TIAM2: variants seen among roughly 807,000 people sequenced by gnomAD.
TIAM2 encodes rho guanine nucleotide exchange factor TIAM2.
Under a neutral mutation model 152.9 loss-of-function variants are expected in TIAM2, and 80 were observed. That is an observed-to-expected ratio of 0.52 (90% CI 0.44 to 0.63). The LOEUF (loss-of-function observed/expected upper bound fraction) is 0.63. Among genes scored for constraint, TIAM2 ranks in the 30% least tolerant of loss-of-function variants. TIAM2 has a pLI of 0.00. For missense variants in TIAM2, 1,965 were observed against 2,120.1 expected, an observed-to-expected ratio of 0.93 and a Z score of 1.44; for synonymous variants, 804 against 838.0, an observed-to-expected ratio of 0.96 and a Z score of 0.70.
At chr6:155,076,265 A>T (rs1358915271) in intron 1 of TIAM2, among the ~76,000 whole-genome samples, 1 of 152,096 alleles carries the variant, frequency 6.6e-6, no homozygotes, top group East Asian at 1.9e-4. Flanking sequence ...CTCGGCTCAA[A>T]TTATATTACT....
intron 1 of TIAM2, among the ~76,000 whole-genome samples, chr6:155,010,916 C>T (rs983994788): frequency 3.9e-5 from 6 of 151,962 alleles, no homozygotes; most frequent in Admixed American, 1.3e-4. Context: ...TGGTGTCATG[C>T]GCCTGTAATC....
At chr6:155,059,335 T>C (rs544241201) in intron 1 of TIAM2, among the ~76,000 whole-genome samples, 7 of 137,250 alleles carry the variant, frequency 5.1e-5, no homozygotes, top group African/African-American at 1.9e-4. Flanking sequence ...TGCGCGTGTA[T>C]GTTTTTGAGA....
chr6:155,029,639 T>A (rs1229932430), intron 1 of TIAM2, among the ~76,000 whole-genome samples: 1 of 95,064 alleles, frequency 1.1e-5, no homozygotes, highest in Non-Finnish European at 2.2e-5. Context: ...CTATATATAG[T>A]TATATAACTA....
intron 9 of TIAM2, chr6:155,168,855 C>G (rs767408534): frequency 5.9e-6 from 9 of 1,535,440 alleles, no homozygotes; most frequent in Non-Finnish European, 7.0e-6. Flanking sequence ...ATATTTGATT[C>G]AAGTGGCAGC....
chr6:155,150,723 G>A lies in TIAM2; in HGVS notation c.2028+2389G>A, dbSNP rs150499220. 3.0e-3 allele frequency among the ~76,000 whole-genome samples: 453 copies of A among 151,912 alleles called. 2 individuals are homozygous for A. The highest frequency in any genetic ancestry group is 0.01 in the African/African-American group (431 of 41,408). On this transcript the variant is annotated intron_variant, in intron 7 of 26. Coordinates refer to ENST00000682666, the MANE Select transcript of TIAM2 (RefSeq NM_012454.4). ...AGATCAAGATGCCGGCAGATTCAGT[G>A]TCTGGTGAGGCCCTGCTTTCTGGTT...
chr6:155,031,899 A>G (rs1027215574), intron 1 of TIAM2, among the ~76,000 whole-genome samples: 3 of 152,202 alleles, frequency 2.0e-5, no homozygotes, highest in Non-Finnish European at 4.4e-5. Flanking sequence ...CTTGGGAACA[A>G]AAAGCACATT....
chr6:155,116,577 G>A (rs1169143532), intron 2 of TIAM2, among the ~76,000 whole-genome samples: 1 of 152,204 alleles, frequency 6.6e-6, no homozygotes, highest in African/African-American at 2.4e-5. Flanking sequence ...TACAATGACC[G>A]TGGTAGATTT....
At chr6:155,016,087 A>G (rs924472591) in intron 1 of TIAM2, among the ~76,000 whole-genome samples, 1 of 152,068 alleles carries the variant, frequency 6.6e-6, no homozygotes, top group African/African-American at 2.4e-5. Flanking sequence ...GGGAATAACC[A>G]TTCTGGAAAG....
At chr6:155,235,082 G>A (rs1297052914) in intron 15 of TIAM2, among the ~76,000 whole-genome samples, 6 of 151,892 alleles carry the variant, frequency 4.0e-5, no homozygotes, top group Admixed American at 6.5e-5. Context: ...AGAGGGGAAC[G>A]GGCCCTGTGC....
Position 155,254,029 on chromosome 6 carries a change from C to A in TIAM2, c.4282C>A (p.Arg1428=). The part of the protein sequence containing the change: ...LIHTKSEIEG[R]PETIFQLCCS... ...CCATACGAAGTCAGAAATAGAAGGA[C>A]GGCCAGAAACCATCTTTCAGTTGTG... The change falls in exon 25 of 27, where the codon CGG becomes AGG. Residue 1428 remains arginine (R), a synonymous_variant. Transcript: ENST00000682666. 2.5e-6 allele frequency: 4 copies of A among 1,614,058 alleles called. No individual in the cohort carries two copies. The highest frequency in any genetic ancestry group is 1.1e-5 in the South Asian group (1 of 91,070).
intron 1 of TIAM2, among the ~76,000 whole-genome samples, chr6:155,029,634 TATAGTTATATAA>T (rs1175048529): frequency 9.7e-5 from 9 of 92,910 alleles, no homozygotes; most frequent in African/African-American, 3.2e-4. Context: ...TATAACTATA[TATAGTTATATAA>T]CTATATATAG....
At chr6:155,044,255 C>G (rs1241370182) in intron 1 of TIAM2, among the ~76,000 whole-genome samples, 3 of 152,136 alleles carry the variant, frequency 2.0e-5, no homozygotes, top group Non-Finnish European at 4.4e-5. Flanking sequence ...GGAGCCAAGA[C>G]TAGAAGCCAG....
intron 14 of TIAM2, among the ~76,000 whole-genome samples, chr6:155,195,264 A>G (rs1447831972): frequency 1.3e-5 from 2 of 152,208 alleles, no homozygotes. Context: ...TTTGCCTTCA[A>G]GGTGGAAAAT....
chr6:155,171,759 T>C (rs1450038311), intron 9 of TIAM2, among the ~76,000 whole-genome samples: 1 of 152,242 alleles, frequency 6.6e-6, no homozygotes, highest in East Asian at 1.9e-4. Flanking sequence ...TTTGTTTTTC[T>C]TTCATATCAA....
At chr6:155,058,707 G>A (rs572935946) in intron 1 of TIAM2, among the ~76,000 whole-genome samples, 113 of 152,326 alleles carry the variant, frequency 7.4e-4, no homozygotes, top group African/African-American at 2.7e-3. Flanking sequence ...AAGTCTTGGA[G>A]CTGGGATTTG....
At chr6:155,228,777 C>T (rs758680000) in intron 15 of TIAM2, among the ~76,000 whole-genome samples, 6 of 152,090 alleles carry the variant, frequency 3.9e-5, no homozygotes, top group South Asian at 4.2e-4. Flanking sequence ...AGGCAGGCAG[C>T]GAGGACACAC....
At chr6:155,249,760 GAGTT>G (rs1783539776) in intron 20 of TIAM2, 87 bp from the exon 21 acceptor site, 1 of 1,095,398 alleles carries the variant, frequency 9.1e-7, no homozygotes, top group Non-Finnish European at 1.3e-6. Context: ...CTGGAATCCT[GAGTT>G]GAATCTTGAC....
chr6:155,163,092 A>T (rs950685913), intron 7 of TIAM2, among the ~76,000 whole-genome samples: 22 of 152,176 alleles, frequency 1.4e-4, no homozygotes, highest in Non-Finnish European at 3.1e-4. Context: ...CCTTCAAAGT[A>T]TTATTTATCC....
At chr6:155,177,314 G>A (rs775175914) in intron 10 of TIAM2, among the ~76,000 whole-genome samples, 21 of 152,080 alleles carry the variant, frequency 1.4e-4, no homozygotes, top group East Asian at 1.9e-4. Flanking sequence ...ATAAGAAGGC[G>A]GCATAAACTT....
Sources: allele counts gnomAD v4.1 joint callset (sites outside exome capture counted in the v4.1 genomes callset), GRCh38; gene constraint gnomAD v4.1.1; transcripts MANE v1.5; gene names NCBI Gene and HGNC (gene_info 2026-07-23, HGNC 2026-07-21).